TGS1: variants seen among roughly 807,000 people sequenced by gnomAD.
The protein encoded by TGS1 is trimethylguanosine synthase.
TGS1 carries 69 observed loss-of-function variants against 92.2 expected under a neutral mutation model. That is an observed-to-expected ratio of 0.75 (90% confidence interval 0.62 to 0.91). The LOEUF (loss-of-function observed/expected upper bound fraction) is 0.91, where lower values mean the gene tolerates loss of function less well. Among genes scored for constraint, TGS1 ranks in the 40% least tolerant of loss-of-function variants. The pLI is 0.00. For missense variants in TGS1, 1,062 were observed against 1,001.2 expected, an observed-to-expected ratio of 1.06 and a Z score of -0.82; for synonymous variants, 345 against 338.1, an observed-to-expected ratio of 1.02 and a Z score of -0.22.
chr8:55,797,319 A>G (rs1812086361), intron 7 of TGS1, among the ~76,000 whole-genome samples: 1 of 152,158 alleles, frequency 6.6e-6, no homozygotes, highest in African/African-American at 2.4e-5. Context: ...CATCACAAGA[A>G]GAGAGTGGGA....
Position 55,796,061 on chromosome 8 carries a change from T to C in TGS1, c.1451T>C (p.Met484Thr). The change falls in exon 7 of 13, where the codon ATG becomes ACG. Residue 484 changes from methionine to threonine, a missense_variant. By Grantham distance (81) the Met-to-Thr change is moderately conservative. Coordinates refer to ENST00000260129, the MANE Select transcript of TGS1 (RefSeq NM_024831.8). ...AAGCTTAAGTCTAAGTACCTAGACA[T>C]GCGCAGACAAATAAAGATGAAAAAC... ...NVKLKSKYLD[M>T]RRQIKMKNKH... The C allele has an allele frequency of 2.5e-6, 4 of 1,613,152 alleles. No homozygotes were observed. Among genetic ancestry groups the C allele is most frequent in the Non-Finnish European group, 3.4e-6 (4 of 1,179,288 alleles).
intron 7 of TGS1, among the ~76,000 whole-genome samples, chr8:55,798,014 T>C (rs1812108030): frequency 6.6e-6 from 1 of 152,250 alleles, no homozygotes; most frequent in African/African-American, 2.4e-5. Flanking sequence ...CTGCCTAGTA[T>C]TAGTCCAGTC....
intron 12 of TGS1, among the ~76,000 whole-genome samples, chr8:55,821,486 A>G (rs1015761373): frequency 1.3e-5 from 2 of 152,176 alleles, no homozygotes; most frequent in African/African-American, 4.8e-5. Context: ...ACCCACATCT[A>G]GACAACCCTC....
intron 2 of TGS1, among the ~76,000 whole-genome samples, chr8:55,784,146 G>A (rs1052430447): frequency 3.9e-5 from 6 of 152,166 alleles, no homozygotes; most frequent in African/African-American, 1.4e-4. Flanking sequence ...AATGCTAATT[G>A]AGTGTGCTAA....
chr8:55,804,375 A>G (rs549300790), intron 9 of TGS1, among the ~76,000 whole-genome samples: 2 of 152,328 alleles, frequency 1.3e-5, no homozygotes, highest in Admixed American at 1.3e-4. Context: ...CAGGAGGCGG[A>G]AGTTGCAATG....
chr8:55,784,993 C>G (rs1811666385), intron 2 of TGS1, among the ~76,000 whole-genome samples: 1 of 151,804 alleles, frequency 6.6e-6, no homozygotes, highest in Non-Finnish European at 1.5e-5. Flanking sequence ...GAAATTGATT[C>G]TTCCGTTGAT....
chr8:55,784,307 A>G (rs749074557), intron 2 of TGS1, among the ~76,000 whole-genome samples: 1 of 152,128 alleles, frequency 6.6e-6, no homozygotes, highest in Non-Finnish European at 1.5e-5. Flanking sequence ...TTCTATAAGA[A>G]TTAGATTCAG....
In TGS1 at chr8:55,786,585, C is replaced by A; in HGVS notation, c.687C>A (p.Asn229Lys). The A allele has an allele frequency of 6.2e-7, 1 of 1,614,148 alleles. No homozygotes were observed. Among genetic ancestry groups the A allele is most frequent in the Non-Finnish European group, 8.5e-7 (1 of 1,180,018 alleles). ...AAGCACTATCTTCTGAACCTTGGAACTTTCCTGATACAAAGGAAGAATGGG... is the reference window on the plus strand; with the variant it reads ...AAGCACTATCTTCTGAACCTTGGAAATTTCCTGATACAAAGGAAGAATGGG... The part of the protein sequence containing the change: ...PGQALSSEPW[N>K]FPDTKEEWEQ... The change falls in exon 4 of 13, where the codon AAC becomes AAA. Residue 229 changes from asparagine to lysine, a missense_variant. Coordinates refer to ENST00000260129, the MANE Select transcript of TGS1 (RefSeq NM_024831.8).
At chr8:55,803,557 A>G (rs896091056) in intron 9 of TGS1, among the ~76,000 whole-genome samples, 6 of 152,230 alleles carry the variant, frequency 3.9e-5, no homozygotes, top group South Asian at 2.1e-4. Flanking sequence ...TTGCAATTCT[A>G]TAAAAGTGTA....
At chr8:55,809,255 A>G (rs1173422731) in intron 10 of TGS1, among the ~76,000 whole-genome samples, 1 of 152,172 alleles carries the variant, frequency 6.6e-6, no homozygotes, top group Non-Finnish European at 1.5e-5. Flanking sequence ...AAAGTTTTGC[A>G]TATTGCTGTT....
chr8:55,780,270 G>A (rs1328435507), intron 1 of TGS1, among the ~76,000 whole-genome samples: 3 of 150,748 alleles, frequency 2.0e-5, no homozygotes, highest in African/African-American at 7.3e-5. Context: ...TCTGGGCTCA[G>A]GTGATTCTCC....
chr8:55,773,576 C>T lies in TGS1; in HGVS notation c.-43C>T. The T allele has an allele frequency of 6.6e-7, 1 of 1,524,092 alleles. No individual in the cohort carries two copies. Among genetic ancestry groups the T allele is most frequent in the Non-Finnish European group, 9.0e-7 (1 of 1,114,880 alleles). 94.4% of individuals were successfully genotyped at this position (1,524,092 alleles called of 1,614,324 possible). A position where few individuals can be genotyped will look rare whatever the true frequency, so the allele number is the denominator to read the frequency against. On this transcript the variant is annotated 5_prime_UTR_variant, in exon 1 of 13. Coordinates refer to ENST00000260129, the MANE Select transcript of TGS1 (RefSeq NM_024831.8). ...TAACCGAGCGGAGGCCCGGCAGGCG[C>T]GACCCGGGCTGCGTACGTCAGAGCT...
chr8:55,808,885 A>G (rs1238776636), intron 10 of TGS1, among the ~76,000 whole-genome samples: 1 of 152,196 alleles, frequency 6.6e-6, no homozygotes, highest in African/African-American at 2.4e-5. Flanking sequence ...GCAGTTATCA[A>G]TACTCCTCCT....
chr8:55,783,009 T>C (rs1811610065), intron 2 of TGS1, among the ~76,000 whole-genome samples, 197 bp downstream of exon 2: 1 of 152,252 alleles, frequency 6.6e-6, no homozygotes, highest in Non-Finnish European at 1.5e-5. Context: ...CTTTTATTTT[T>C]CTATAGCTCC....
intron 5 of TGS1, among the ~76,000 whole-genome samples, chr8:55,792,259 T>G (rs1811906298): frequency 1.3e-5 from 2 of 152,192 alleles, no homozygotes; most frequent in Non-Finnish European, 2.9e-5. Context: ...ACAACCTTAT[T>G]CTTTTTAGTA....
chr8:55,790,039 C>T, intron 4 of TGS1, 143 bp from the exon 5 acceptor site: 1 of 636,814 alleles, frequency 1.6e-6, no homozygotes, highest in Non-Finnish European at 2.8e-6. Context: ...TAGACACAAA[C>T]AGGTAGATGT....
chr8:55,781,503 C>G (rs1036389638), intron 1 of TGS1, among the ~76,000 whole-genome samples: 1 of 152,190 alleles, frequency 6.6e-6, no homozygotes, highest in South Asian at 2.1e-4. Context: ...AACCAACTTG[C>G]AACCAACCAT....
At position 55,774,977 on chromosome 8, in the gene TGS1, C is replaced by T. The variant is rs148893125; in HGVS notation, c.101+1258C>T. Among the ~76,000 whole-genome samples, 74 of 152,212 alleles carry T rather than the reference C, an allele frequency of 4.9e-4. No homozygotes were observed. In the East Asian group the frequency reaches 0.014, roughly 28 times the overall value. On this transcript the variant is annotated intron_variant, in intron 1 of 12. Transcript: ENST00000260129. ...AACAAAATGGCTGGGAGGGAGGGCA[C>T]GGTGGTGCACACCTGTAATCCCACC...
intron 12 of TGS1, among the ~76,000 whole-genome samples, chr8:55,818,750 G>A (rs753110119): frequency 3.3e-5 from 5 of 152,162 alleles, no homozygotes; most frequent in Non-Finnish European, 7.3e-5. Flanking sequence ...ACTTTTCTCC[G>A]TAAATGATGG....
Sources: gnomAD v4.1 joint callset for allele counts (sites outside exome capture counted in the v4.1 genomes callset) on GRCh38, gnomAD v4.1.1 for gene constraint, MANE v1.5 for transcripts, NCBI Gene and HGNC (gene_info 2026-07-23, HGNC 2026-07-21) for gene names.